The following RANGAP1 variants were observed in gnomAD, a reference collection of about 807,000 sequenced individuals.
RANGAP1 encodes the protein Ran GTPase activating protein 1.
A neutral mutation model predicts 63.5 loss-of-function variants in RANGAP1; 38 were observed. The observed-to-expected ratio is 0.60, with a 90% confidence interval of 0.46 to 0.78. The LOEUF (loss-of-function observed/expected upper bound fraction) is 0.78, where lower values mean the gene tolerates loss of function less well. Ranked by LOEUF, RANGAP1 falls within the 30% of genes least tolerant of loss-of-function variation. RANGAP1 has a pLI of 0.00. For missense variants in RANGAP1, 630 were observed against 740.3 expected, an observed-to-expected ratio of 0.85 and a Z score of 1.73; for synonymous variants, 329 against 310.5, an observed-to-expected ratio of 1.06 and a Z score of -0.63.
rs1432949464 is a variant in RANGAP1, at chr22:41,257,291, C to T, written c.775-467G>A. On this transcript the variant is annotated intron_variant, in intron 7 of 15. Transcript: ENST00000356244. The surrounding 1 kb of genome is among the most constrained non-coding windows in gnomAD (Gnocchi z 4.0). The stretch of plus-strand genomic sequence containing the variant: ...GCCGGACTAGCCTTCTGTGGGGCCA[C>T]GGGACCCTGGCAGCCAAGAAGCCAC... Among the ~76,000 whole-genome samples the T allele has an allele frequency of 2.6e-5, 4 of 152,188 alleles. No individual in the cohort carries two copies. The highest frequency in any genetic ancestry group is 9.7e-5 in the African/African-American group (4 of 41,448).
intron 11 of RANGAP1, 139 bp from the exon 12 acceptor site, chr22:41,253,130 C>G: frequency 1.1e-6 from 1 of 923,366 alleles, no homozygotes; most frequent in Non-Finnish European, 1.4e-6. Flanking sequence ...CTTCCTCCCA[C>G]TCAGCTGCAT....
Position 41,246,277 on chromosome 22 carries a change from C to G in RANGAP1, c.*326G>C, listed in dbSNP as rs73428601. 1 of 217,140 alleles carries G rather than the reference C, an allele frequency of 4.6e-6. No homozygotes were observed. Among genetic ancestry groups the G allele is most frequent in the African/African-American group, 2.3e-5 (1 of 43,300 alleles). The allele number at this position is 217,140 out of a possible 1,614,324, so 13.5% of individuals were successfully genotyped here. On this transcript the variant is annotated 3_prime_UTR_variant, in exon 16 of 16. Coordinates refer to ENST00000356244, the MANE Select transcript of RANGAP1 (RefSeq NM_002883.4). Reference sequence around the variant, plus strand: ...GTGGGGACGGCCATCAGGGCCCAGGCGGAGATCAGCAGAGCGCCCTCAGGT... The same window carrying G: ...GTGGGGACGGCCATCAGGGCCCAGGGGGAGATCAGCAGAGCGCCCTCAGGT...
At chr22:41,259,291 G>C (rs1380218294) in intron 6 of RANGAP1, among the ~76,000 whole-genome samples, 5 of 152,142 alleles carry the variant, frequency 3.3e-5, no homozygotes, top group Non-Finnish European at 1.5e-5. Context: ...CAGGGCAATG[G>C]GGGGAGCGGG....
Position 41,254,396 on chromosome 22 carries a change from T to C in RANGAP1, c.1172A>G (p.Glu391Gly), listed in dbSNP as rs377306533. Residue 391 changes from glutamate (E) to glycine (G), a missense_variant, in exon 11 of 16, where the codon GAG becomes GGG. Physicochemically the swap from Glu to Gly is moderately conservative, Grantham distance 98. Coordinates refer to ENST00000356244, the MANE Select transcript of RANGAP1 (RefSeq NM_002883.4). ...CTGAGGCTCTTCTTCCTCCTCCTCC[T>C]CCTCTTCTTCCTCCTCTTCCTCATC... The part of the protein sequence containing the change: ...EEDEEEEEEE[E>G]EEEEEEPQQR... 59 of 1,613,660 alleles carry C rather than the reference T, an allele frequency of 3.7e-5. No individual in the cohort carries two copies. Among genetic ancestry groups the C allele is most frequent in the Non-Finnish European group, 4.8e-5 (57 of 1,179,830 alleles).
chr22:41,289,409 G>T (rs578111515), upstream of RANGAP1, among the ~76,000 whole-genome samples: 2 of 151,762 alleles, frequency 1.3e-5, no homozygotes, highest in African/African-American at 4.8e-5. Context: ...ATCATCTGAC[G>T]TCAGGAATTC....
chr22:41,289,130 AG>A (rs201439603), upstream of RANGAP1, among the ~76,000 whole-genome samples: 2,017 of 151,666 alleles, frequency 0.013, 48 homozygotes, highest in African/African-American at 0.047. Context: ...CATATTGGCC[AG>A]GATGGTCTCA....
intron 5 of RANGAP1, among the ~76,000 whole-genome samples, chr22:41,263,288 T>G (rs540961462): frequency 1.3e-5 from 2 of 152,048 alleles, no homozygotes; most frequent in Non-Finnish European, 2.9e-5. Context: ...TAGAATAGAG[T>G]CTCTGGCTCT....
At chr22:41,248,465 C>T (rs1188500774) in intron 15 of RANGAP1, among the ~76,000 whole-genome samples, 2 of 152,216 alleles carry the variant, frequency 1.3e-5, no homozygotes, top group Admixed American at 6.5e-5. Context: ...CCGCCAGCCC[C>T]GCCTCCCCAC....
chr22:41,296,263 G>A, the RANGAP1 span, among the ~76,000 whole-genome samples: 2 of 151,500 alleles, frequency 1.3e-5, no homozygotes, highest in Admixed American at 1.3e-4. Flanking sequence ...CTTATAGATG[G>A]GAAATGTAGA....
the RANGAP1 span, among the ~76,000 whole-genome samples, chr22:41,295,085 GC>G: frequency 1.4e-5 from 2 of 145,886 alleles, no homozygotes; most frequent in African/African-American, 5.4e-5. Flanking sequence ...GGGGGGGTCA[GC>G]CCCCCGCCCG....
At position 41,264,537 on chromosome 22, in the gene RANGAP1, G is replaced by C. The variant is rs954373393; in HGVS notation, c.480+127C>G. 5 of 1,221,308 alleles carry C rather than the reference G, an allele frequency of 4.1e-6. No individual in the cohort carries two copies. In the African/African-American group the frequency reaches 7.6e-5, roughly 19 times the overall value. The allele number at this position is 1,221,308 out of a possible 1,614,324, so 75.7% of individuals were successfully genotyped here. On this transcript the variant is annotated intron_variant, in intron 5 of 15. Transcript: ENST00000356244. Reference sequence around the variant, plus strand: ...CCTCCGGCCACAGGCTGTTGCCTTTGAGGCCTTTCTCTTTTGAAAACAACG... The same window carrying C: ...CCTCCGGCCACAGGCTGTTGCCTTTCAGGCCTTTCTCTTTTGAAAACAACG...
At chr22:41,301,675 T>C in the RANGAP1 span, 2 of 152,296 alleles carry the variant, frequency 1.3e-5, no homozygotes, top group East Asian at 1.9e-4. Context: ...GCATTTACTC[T>C]TATTATTACT....
At chr22:41,297,714 C>T in the RANGAP1 span, among the ~76,000 whole-genome samples, 3 of 137,654 alleles carry the variant, frequency 2.2e-5, no homozygotes, top group South Asian at 7.1e-4. Context: ...TTTTTGAGAC[C>T]GAGTCTTGCT....
At position 41,254,224 on chromosome 22, in the gene RANGAP1, A is replaced by ACCC. The variant is rs1268354469; in HGVS notation, c.1260+81_1260+83dup. ...TTGTGGCTACTGTGCTTAAGGAGACACCCCCTACCCCATTGTGAAAGTGCC... is the reference window on the plus strand; with the variant it reads ...TTGTGGCTACTGTGCTTAAGGAGACACCCCCCCCTACCCCATTGTGAAAGTGCC... On this transcript the variant is annotated intron_variant, in intron 11 of 15. Transcript: ENST00000356244. 6 of 1,481,258 alleles carry ACCC rather than the reference A, an allele frequency of 4.1e-6. No individual in the cohort carries two copies. In the East Asian group the frequency reaches 1.1e-4, roughly 28 times the overall value. 91.8% of individuals were successfully genotyped at this position (1,481,258 alleles called of 1,614,324 possible).
Position 41,264,562 on chromosome 22 carries a change from G to A in RANGAP1, c.480+102C>T, listed in dbSNP as rs577168590. 9.8e-5 allele frequency: 134 copies of A among 1,368,202 alleles called. 2 individuals carry two copies. In the South Asian group the frequency reaches 1.8e-3, roughly 18 times the overall value. The allele number at this position is 1,368,202 out of a possible 1,614,324, so 84.8% of individuals were successfully genotyped here. On this transcript the variant is annotated intron_variant, in intron 5 of 15. Transcript: ENST00000356244. ...GAGGCCTTTCTCTTTTGAAAACAACGGCTGACCATCCCAGATGGTGGTGGC... is the reference window on the plus strand; with the variant it reads ...GAGGCCTTTCTCTTTTGAAAACAACAGCTGACCATCCCAGATGGTGGTGGC...
rs1182185337 is a variant in RANGAP1 at position 41,257,954 on chromosome 22, C to T, written c.768G>A (p.Met256Ile). 3 of 1,604,586 alleles carry T rather than the reference C, an allele frequency of 1.9e-6. No homozygotes were observed. The highest frequency in any genetic ancestry group is 2.6e-6 in the Non-Finnish European group (3 of 1,173,962). Residue 256 changes from methionine to isoleucine, a missense_variant, in exon 7 of 16, where the codon ATG becomes ATA. Transcript: ENST00000356244. The surrounding 1 kb of genome is among the most constrained non-coding windows in gnomAD (Gnocchi z 4.0). ...NTFTEKGAVAMAETLKTLRQV... is the reference protein window; with the variant it reads ...NTFTEKGAVAIAETLKTLRQV... ...TCTGCCACACTCGCCTCACCTCGGC[C>T]ATGGCCACGGCGCCCTTCTCAGTGA...
chr22:41,255,969 A>G, intron 10 of RANGAP1, 52 bp downstream of exon 10: 1 of 1,541,882 alleles, frequency 6.5e-7, no homozygotes, highest in Non-Finnish European at 8.9e-7. Context: ...CAAAAGAAAG[A>G]AAGAAAGGAA....
chr22:41,286,364 G>C (rs1254512886), upstream of RANGAP1: 1 of 152,318 alleles, frequency 6.6e-6, no homozygotes, highest in African/African-American at 2.4e-5. Flanking sequence ...CCGTCCCATG[G>C]CGCACCGCGC....
At chr22:41,278,977 C>T (rs915799670) in intron 2 of RANGAP1, among the ~76,000 whole-genome samples, 4 of 152,100 alleles carry the variant, frequency 2.6e-5, no homozygotes, top group African/African-American at 9.7e-5. Context: ...CCCGTCTCTA[C>T]TAAAAATACA....
Sources: gnomAD v4.1 joint callset for allele counts (sites outside exome capture counted in the v4.1 genomes callset) on GRCh38, gnomAD v4.1.1 for gene constraint, Gnocchi (gnomAD v3.1) non-coding constraint, MANE v1.5 for transcripts, NCBI Gene and HGNC (gene_info 2026-07-23, HGNC 2026-07-21) for gene names.